The following DTWD2 variants were observed in gnomAD, a reference collection of about 807,000 sequenced individuals.
DTWD2 encodes the protein tRNA-uridine aminocarboxypropyltransferase 2.
Under a neutral mutation model 31.8 loss-of-function variants are expected in DTWD2, and 39 were observed. That is an observed-to-expected ratio of 1.22 (90% CI 0.95 to 1.60). DTWD2 has a LOEUF of 1.60. DTWD2 is among the 40% of genes most tolerant of loss of function. The pLI, the probability that DTWD2 is intolerant of heterozygous loss-of-function variation, is 0.00. For synonymous variants in DTWD2, 180 were observed against 142.8 expected, an observed-to-expected ratio of 1.26 and a Z score of -1.86; for missense variants, 515 against 381.5, an observed-to-expected ratio of 1.35 and a Z score of -2.92.
intron 4 of DTWD2, among the ~76,000 whole-genome samples, chr5:118,907,095 G>A (rs926104170): frequency 6.6e-6 from 1 of 152,132 alleles, no homozygotes; most frequent in Non-Finnish European, 1.5e-5. Context: ...ACAGAACCAT[G>A]CTCCAATAGA....
intron 1 of DTWD2, among the ~76,000 whole-genome samples, chr5:118,981,348 C>T (rs368372054): frequency 1.3e-5 from 2 of 152,162 alleles, no homozygotes; most frequent in African/African-American, 2.4e-5. Context: ...ATAAATATTA[C>T]GTTATGCAAA....
intron 1 of DTWD2, among the ~76,000 whole-genome samples, chr5:118,978,722 A>G (rs1755221953): frequency 6.6e-6 from 1 of 152,226 alleles, no homozygotes; most frequent in Non-Finnish European, 1.5e-5. Context: ...ACGTCAACAA[A>G]TGGCCAGGCA....
intron 1 of DTWD2, among the ~76,000 whole-genome samples, chr5:118,973,534 G>T (rs954130093): frequency 6.6e-6 from 1 of 152,180 alleles, no homozygotes; most frequent in African/African-American, 2.4e-5. Context: ...GGCTGGAGAT[G>T]AAATTCTAGG....
chr5:118,888,546 A>G (rs1488234701), intron 4 of DTWD2, among the ~76,000 whole-genome samples: 2 of 152,238 alleles, frequency 1.3e-5, no homozygotes, highest in South Asian at 2.1e-4. Flanking sequence ...GGCTATTACA[A>G]TTAAAGCTGT....
intron 4 of DTWD2, among the ~76,000 whole-genome samples, chr5:118,878,060 AAAAACATTAAAAT>A: frequency 6.6e-6 from 1 of 152,350 alleles, no homozygotes; most frequent in East Asian, 1.9e-4. Context: ...AAACAAATGG[AAAAACATTAAAAT>A]GGGCATACTA....
At chr5:118,938,113 G>C (rs1166785805) in intron 3 of DTWD2, among the ~76,000 whole-genome samples, 1 of 152,082 alleles carries the variant, frequency 6.6e-6, no homozygotes, top group South Asian at 2.1e-4. Context: ...CGATATCATA[G>C]TTAATAACGT....
chr5:118,873,279 A>G (rs1170149246), intron 4 of DTWD2, among the ~76,000 whole-genome samples: 2 of 152,190 alleles, frequency 1.3e-5, no homozygotes, highest in East Asian at 1.9e-4. Context: ...AATGTCACAC[A>G]TGAACTCTGC....
chr5:118,913,051 T>G (rs1310321242), intron 4 of DTWD2, among the ~76,000 whole-genome samples: 1 of 152,212 alleles, frequency 6.6e-6, no homozygotes, highest in Non-Finnish European at 1.5e-5. Flanking sequence ...AACCCACTTA[T>G]GCCTAGCGTT....
chr5:118,875,204 G>A (rs1184665515), intron 4 of DTWD2, among the ~76,000 whole-genome samples: 1 of 152,116 alleles, frequency 6.6e-6, no homozygotes, highest in Non-Finnish European at 1.5e-5. Flanking sequence ...CCTGAAGGAA[G>A]CACTAAATAT....
chr5:118,985,796 C>A (rs557286394), intron 1 of DTWD2, among the ~76,000 whole-genome samples: 1 of 151,992 alleles, frequency 6.6e-6, no homozygotes, highest in African/African-American at 2.4e-5. Context: ...TTTACAAATA[C>A]TTTTACTTTG....
intron 3 of DTWD2, among the ~76,000 whole-genome samples, chr5:118,933,597 A>G (rs1753972597): frequency 6.6e-6 from 1 of 152,134 alleles, no homozygotes; most frequent in Non-Finnish European, 1.5e-5. Flanking sequence ...GACAAAACCC[A>G]AAGCCCACTC....
At chr5:118,976,479 T>C (rs1027210510) in intron 1 of DTWD2, among the ~76,000 whole-genome samples, 5 of 151,916 alleles carry the variant, frequency 3.3e-5, no homozygotes, top group East Asian at 3.9e-4. Context: ...AAGAATCAAA[T>C]AGACACAGTA....
chr5:118,982,091 A>G (rs1755314846), intron 1 of DTWD2, among the ~76,000 whole-genome samples: 1 of 152,220 alleles, frequency 6.6e-6, no homozygotes, highest in African/African-American at 2.4e-5. Context: ...TGTCTCATGT[A>G]TTAAACAAAA....
At chr5:118,850,311 A>G in intron 4 of DTWD2, among the ~76,000 whole-genome samples, 1 of 129,326 alleles carries the variant, frequency 7.7e-6, no homozygotes, top group South Asian at 2.2e-4. Flanking sequence ...CAAAAATACA[A>G]AAAAAAAAAA....
intron 4 of DTWD2, among the ~76,000 whole-genome samples, chr5:118,877,191 G>C (rs1752639117): frequency 6.6e-6 from 1 of 152,202 alleles, no homozygotes; most frequent in Admixed American, 6.5e-5. Context: ...ACTCTCAAGT[G>C]GCCGGGTACA....
intron 5 of DTWD2, among the ~76,000 whole-genome samples, chr5:118,841,399 T>G (rs759612653): frequency 6.6e-6 from 1 of 152,210 alleles, no homozygotes; most frequent in Non-Finnish European, 1.5e-5. Flanking sequence ...GCCATTATAA[T>G]TGAATCCATA....
chr5:118,953,326 A>G (rs896612770), intron 1 of DTWD2, among the ~76,000 whole-genome samples: 1 of 152,174 alleles, frequency 6.6e-6, no homozygotes, highest in Non-Finnish European at 1.5e-5. Context: ...CCACTTACCC[A>G]TTCCTGTCTA....
At chr5:118,897,795 G>A (rs1753115502) in intron 4 of DTWD2, among the ~76,000 whole-genome samples, 1 of 152,182 alleles carries the variant, frequency 6.6e-6, no homozygotes, top group Non-Finnish European at 1.5e-5. Context: ...TAAAACAAAT[G>A]TACTATGTAA....
chr5:118,897,708 C>A (rs964390333), intron 4 of DTWD2, among the ~76,000 whole-genome samples: 1 of 152,128 alleles, frequency 6.6e-6, no homozygotes, highest in African/African-American at 2.4e-5. Context: ...AACCACTGGC[C>A]AGACCTGACA....
Sources: allele counts gnomAD v4.1 joint callset (sites outside exome capture counted in the v4.1 genomes callset), GRCh38; gene constraint gnomAD v4.1.1; transcripts MANE v1.5; gene names NCBI Gene and HGNC (gene_info 2026-07-23, HGNC 2026-07-21).